RNF220: variants seen among roughly 807,000 people sequenced by gnomAD.
The protein encoded by RNF220 is ring finger protein 220.
In RNF220, 7 loss-of-function variants were observed where a neutral mutation model predicts 67.1. The observed-to-expected ratio is 0.10, with a 90% CI of 0.06 to 0.20. The LOEUF is 0.20. Ranked by LOEUF, RNF220 falls within the 10% of genes least tolerant of loss-of-function variation. The pLI, the probability that RNF220 is intolerant of heterozygous loss-of-function variation, is 1.00. For missense variants in RNF220, 565 were observed against 740.3 expected, an observed-to-expected ratio of 0.76 and a Z score of 2.75; for synonymous variants, 270 against 283.2, an observed-to-expected ratio of 0.95 and a Z score of 0.47.
chr1:44,490,595 A>G (rs765933926), intron 2 of RNF220, among the ~76,000 whole-genome samples: 7 of 152,244 alleles, frequency 4.6e-5, no homozygotes, highest in Middle Eastern at 3.4e-3. Flanking sequence ...CTAAAACAGC[A>G]CTCAGAGGGA....
intron 8 of RNF220, 43 bp from the exon 9 acceptor site, chr1:44,644,655 C>T: frequency 1.3e-6 from 2 of 1,544,526 alleles, no homozygotes; most frequent in African/African-American, 2.7e-5. Context: ...CACCCTTGGC[C>T]TCGTCTTGTC....
At chr1:44,603,511 G>T (rs1383966586) in intron 2 of RNF220, among the ~76,000 whole-genome samples, 3 of 152,264 alleles carry the variant, frequency 2.0e-5, no homozygotes, top group Admixed American at 6.5e-5. Flanking sequence ...AGGCTGAGGT[G>T]ACCATTGTTG....
intron 2 of RNF220, among the ~76,000 whole-genome samples, chr1:44,555,764 C>T (rs1249041984): frequency 2.7e-5 from 4 of 150,704 alleles, no homozygotes; most frequent in Middle Eastern, 3.4e-3. Context: ...CGTGAGCCAC[C>T]GCGCCTGGCC....
chr1:44,542,573 C>T (rs1661760967), intron 2 of RNF220, among the ~76,000 whole-genome samples: 1 of 152,230 alleles, frequency 6.6e-6, no homozygotes, highest in Admixed American at 6.5e-5. Flanking sequence ...CAGGGGGGAG[C>T]TAGGGTTCCA....
At chr1:44,630,037 A>T (rs990768434) in intron 5 of RNF220, among the ~76,000 whole-genome samples, 3 of 152,218 alleles carry the variant, frequency 2.0e-5, no homozygotes, top group Non-Finnish European at 4.4e-5. Context: ...GTAGTTGTTC[A>T]GCTATGTCGG....
At chr1:44,498,066 GACA>G (rs1267805057) in intron 2 of RNF220, among the ~76,000 whole-genome samples, 6 of 152,274 alleles carry the variant, frequency 3.9e-5, no homozygotes, top group Non-Finnish European at 7.3e-5. Flanking sequence ...ACCGAGCTCT[GACA>G]GTGGTTGCTT....
At chr1:44,618,251 T>C (rs1289828243) in intron 3 of RNF220, among the ~76,000 whole-genome samples, 1 of 151,946 alleles carries the variant, frequency 6.6e-6, no homozygotes, top group African/African-American at 2.4e-5. Flanking sequence ...GCTGGCTGTG[T>C]TTCAGACACA....
chr1:44,467,373 A>G (rs1654368057), intron 2 of RNF220, among the ~76,000 whole-genome samples: 1 of 152,106 alleles, frequency 6.6e-6, no homozygotes, highest in African/African-American at 2.4e-5. Flanking sequence ...CACCACGCCC[A>G]GCTAATTTTG....
At position 44,649,447 on chromosome 1, in the gene RNF220, G is replaced by T. The variant is rs1644732601; in HGVS notation, c.1446-214G>T. On this transcript the variant is annotated intron_variant, in intron 12 of 14. Transcript: ENST00000361799. The surrounding 1 kb of genome is among the most constrained non-coding windows in gnomAD (Gnocchi z 5.9). ...AAATGGTTCCCTGGTATCTGGTGTA[G>T]AAATTCATCCGAATGGGAATGGAGG... 6.8e-6 allele frequency: 4 copies of T among 590,938 alleles called. No individual in the cohort carries two copies. Among genetic ancestry groups the T allele is most frequent in the Non-Finnish European group, 1.2e-5 (4 of 331,662 alleles). 36.6% of individuals were successfully genotyped at this position (590,938 alleles called of 1,614,324 possible). A position where few individuals can be genotyped will look rare whatever the true frequency, so the allele number is the denominator to read the frequency against.
intron 4 of RNF220, 52 bp from the exon 5 acceptor site, chr1:44,626,241 GGACT>G: frequency 7.4e-7 from 1 of 1,355,420 alleles, no homozygotes; most frequent in Non-Finnish European, 1.1e-6. Flanking sequence ...GGAACTCTAG[GGACT>G]GACTGTAGGT....
chr1:44,423,589 T>C (rs1460520031), intron 2 of RNF220, among the ~76,000 whole-genome samples: 1 of 152,200 alleles, frequency 6.6e-6, no homozygotes, highest in Non-Finnish European at 1.5e-5. Flanking sequence ...GTAGATACTC[T>C]GGAAATATTT....
At chr1:44,535,950 C>T (rs765134284) in intron 2 of RNF220, among the ~76,000 whole-genome samples, 1 of 152,192 alleles carries the variant, frequency 6.6e-6, no homozygotes, top group East Asian at 1.9e-4. Context: ...TTCCTTCAGC[C>T]TGGGGAGCGG....
chr1:44,642,715 G>C (rs1168331310), intron 8 of RNF220, among the ~76,000 whole-genome samples: 1 of 152,196 alleles, frequency 6.6e-6, no homozygotes, highest in Non-Finnish European at 1.5e-5. Flanking sequence ...GGGGTACCCT[G>C]TTTTCTCTGC....
rs535689387 is a variant in RNF220 at position 44,588,130 on chromosome 1, G to C, written c.626-26035G>C. ...GGCAGGAAGCAATCAGGCAGGGCTG[G>C]GTAGAGCTGGGCAAGAGAAGGTCCC... is the stretch of plus-strand genomic sequence containing the variant. On this transcript the variant is annotated intron_variant, in intron 2 of 14. Transcript: ENST00000361799. 3.3e-5 allele frequency among the ~76,000 whole-genome samples: 5 copies of C among 152,328 alleles called. No individual in the cohort carries two copies. In the East Asian group the frequency reaches 7.7e-4, roughly 23 times the overall value.
intron 2 of RNF220, among the ~76,000 whole-genome samples, chr1:44,607,461 CT>C (rs1667348494): frequency 1.3e-5 from 2 of 151,560 alleles, no homozygotes; most frequent in Admixed American, 1.3e-4. Flanking sequence ...GCTCTTTCTC[CT>C]GTATACCTTC....
At chr1:44,504,685 T>C (rs1322989334) in intron 2 of RNF220, among the ~76,000 whole-genome samples, 1 of 152,348 alleles carries the variant, frequency 6.6e-6, no homozygotes, top group East Asian at 1.9e-4. Context: ...TTCTGATACC[T>C]CAGTGACAAG....
intron 2 of RNF220, among the ~76,000 whole-genome samples, chr1:44,487,974 ATT>A (rs113894560): frequency 3.9e-4 from 57 of 145,884 alleles, no homozygotes; most frequent in East Asian, 6.1e-4. Flanking sequence ...TGGCACTGCG[ATT>A]TTTTTTTTTT....
At chr1:44,592,139 G>A (rs763827626) in intron 2 of RNF220, among the ~76,000 whole-genome samples, 1 of 152,230 alleles carries the variant, frequency 6.6e-6, no homozygotes, top group African/African-American at 2.4e-5. Context: ...CAGACCAACA[G>A]ACAGAGAGAG....
chr1:44,539,253 C>A (rs992696101), intron 2 of RNF220, among the ~76,000 whole-genome samples: 6 of 151,954 alleles, frequency 3.9e-5, no homozygotes, highest in African/African-American at 1.5e-4. Flanking sequence ...AAGTTCTATT[C>A]CTATGGTTCG....
Sources: gnomAD v4.1 joint callset for allele counts (sites outside exome capture counted in the v4.1 genomes callset) on GRCh38, gnomAD v4.1.1 for gene constraint, Gnocchi (gnomAD v3.1) non-coding constraint, MANE v1.5 for transcripts, NCBI Gene and HGNC (gene_info 2026-07-23, HGNC 2026-07-21) for gene names.